Variants in OLA1 observed in about 807,000 individuals in gnomAD.
OLA1 encodes obg-like ATPase 1.
In OLA1, 14 loss-of-function variants were observed where a neutral mutation model predicts 48.4. The ratio of observed to expected loss-of-function variants is 0.29; its 90% CI spans 0.19 to 0.45. The LOEUF (loss-of-function observed/expected upper bound fraction) is 0.45, where lower values mean the gene tolerates loss of function less well. Among genes scored for constraint, OLA1 ranks in the 20% least tolerant of loss-of-function variants. The pLI is 1.00. For synonymous variants in OLA1, 127 were observed against 150.4 expected (o/e 0.84, Z 1.14); for missense variants, 325 against 467.1 (o/e 0.70, Z 2.80).
intron 5 of OLA1, among the ~76,000 whole-genome samples, chr2:174,137,704 C>T (rs1225585939): frequency 2.0e-5 from 3 of 152,246 alleles, no homozygotes; most frequent in Non-Finnish European, 2.9e-5. Context: ...TCTTAAACCA[C>T]ATGAAACAAC....
At chr2:174,089,849 T>C (rs1285721562) in intron 7 of OLA1, among the ~76,000 whole-genome samples, 2 of 142,036 alleles carry the variant, frequency 1.4e-5, no homozygotes, top group Non-Finnish European at 3.0e-5. Context: ...TTGCAGGGAG[T>C]CGAGATCATG....
intron 3 of OLA1, among the ~76,000 whole-genome samples, chr2:174,226,305 G>C (rs948169338): frequency 6.6e-6 from 1 of 151,936 alleles, no homozygotes; most frequent in Non-Finnish European, 1.5e-5. Context: ...ATTAAAACTT[G>C]AGATTTAATT....
chr2:174,169,265 G>C (rs13418968), intron 4 of OLA1, among the ~76,000 whole-genome samples: 7,272 of 152,050 alleles, frequency 0.048, 606 homozygotes, highest in African/African-American at 0.17. Context: ...TATAATTAAA[G>C]TCCTAAAAGG....
intron 4 of OLA1, among the ~76,000 whole-genome samples, chr2:174,144,232 C>T (rs2105382486): frequency 6.6e-6 from 1 of 152,258 alleles, no homozygotes; most frequent in African/African-American, 2.4e-5. Flanking sequence ...CTAATCTATT[C>T]CCCCTACTAT....
chr2:174,189,964 G>A (rs1299460693), intron 4 of OLA1, among the ~76,000 whole-genome samples: 5 of 150,888 alleles, frequency 3.3e-5, no homozygotes, highest in Admixed American at 3.3e-4. Flanking sequence ...GCCATAAAAT[G>A]AAATAAAATA....
At chr2:174,140,030 A>G (rs909160326) in intron 5 of OLA1, among the ~76,000 whole-genome samples, 10 of 152,174 alleles carry the variant, frequency 6.6e-5, no homozygotes, top group African/African-American at 2.4e-4. Flanking sequence ...ATTGACATAA[A>G]AATACAAATG....
intron 4 of OLA1, among the ~76,000 whole-genome samples, chr2:174,153,434 T>A (rs1482830198): frequency 6.6e-6 from 1 of 152,146 alleles, no homozygotes; most frequent in Admixed American, 6.5e-5. Context: ...ACATTAAAAT[T>A]GGAGCTTATA....
At chr2:174,097,606 C>A (rs1457245082) in intron 7 of OLA1, among the ~76,000 whole-genome samples, 1 of 151,210 alleles carries the variant, frequency 6.6e-6, no homozygotes, top group African/African-American at 2.4e-5. Flanking sequence ...AGTCTGAGAC[C>A]AGCCTGTAAT....
chr2:174,206,400 G>A (rs910219649), intron 4 of OLA1, among the ~76,000 whole-genome samples: 2 of 151,864 alleles, frequency 1.3e-5, no homozygotes, highest in African/African-American at 4.8e-5. Flanking sequence ...AAAAAAAACT[G>A]ATCATTAAAG....
chr2:174,226,822 C>T (rs1056142000), intron 3 of OLA1, among the ~76,000 whole-genome samples: 2 of 152,072 alleles, frequency 1.3e-5, no homozygotes, highest in Non-Finnish European at 2.9e-5. Flanking sequence ...TCAATAGAAA[C>T]AGGCTGGTGG....
intron 4 of OLA1, among the ~76,000 whole-genome samples, chr2:174,147,211 G>A (rs1487763157): frequency 3.3e-5 from 5 of 152,090 alleles, no homozygotes; most frequent in Admixed American, 3.3e-4. Flanking sequence ...CGGATCACCT[G>A]AGGTCAGGAG....
chr2:174,223,020 C>A lies in OLA1; in HGVS notation c.373+13G>T. On this transcript the variant is annotated intron_variant, in intron 4 of 10. Coordinates refer to ENST00000284719, the MANE Select transcript of OLA1 (RefSeq NM_013341.5). ...TGAATGAAATCAATGATTAAATAAA[C>A]AACTGTACTTACGTGTTAGATGAAA... is the stretch of plus-strand genomic sequence containing the variant. 1.2e-6 allele frequency: 2 copies of A among 1,600,828 alleles called. No homozygotes were observed. Among genetic ancestry groups the A allele is most frequent in the South Asian group, 1.1e-5 (1 of 89,126 alleles).
At chr2:174,230,677 C>A (rs900559873) in intron 2 of OLA1, among the ~76,000 whole-genome samples, 6 of 152,098 alleles carry the variant, frequency 3.9e-5, no homozygotes, top group African/African-American at 1.2e-4. Context: ...GGGATAAAGT[C>A]AATAAAATCC....
At chr2:174,201,618 T>C (rs1687992085) in intron 4 of OLA1, among the ~76,000 whole-genome samples, 1 of 152,188 alleles carries the variant, frequency 6.6e-6, no homozygotes. Context: ...CCCCTCAAAG[T>C]ACTAGAATTG....
rs1370280939 is a variant in OLA1, at chr2:174,248,068, G to T, written c.-1+384C>A. On this transcript the variant is annotated intron_variant, in intron 1 of 10. Coordinates refer to ENST00000284719, the MANE Select transcript of OLA1 (RefSeq NM_013341.5). ...CAGGAATTTCCCTTCTCAGCGTCCT[G>T]ACACCTGTTCCTGGCCAACTCCCAG... The T allele has an allele frequency of 4.3e-5, 12 of 276,694 alleles. No homozygotes were observed. In the Admixed American group the frequency reaches 5.4e-4, roughly 12 times the overall value. 17.1% of individuals were successfully genotyped at this position (276,694 alleles called of 1,614,324 possible). A position where few individuals can be genotyped will look rare whatever the true frequency, so the allele number is the denominator to read the frequency against.
chr2:174,222,167 T>A (rs1194221315), intron 4 of OLA1, among the ~76,000 whole-genome samples: 1 of 152,192 alleles, frequency 6.6e-6, no homozygotes, highest in Non-Finnish European at 1.5e-5. Context: ...CTAGCCAGCT[T>A]ATGCAAACCA....
At chr2:174,165,991 G>C (rs538569372) in intron 4 of OLA1, among the ~76,000 whole-genome samples, 1 of 152,096 alleles carries the variant, frequency 6.6e-6, no homozygotes, top group African/African-American at 2.4e-5. Context: ...CGGACATGGT[G>C]GCATGTGCCT....
intron 7 of OLA1, among the ~76,000 whole-genome samples, chr2:174,099,167 T>C (rs188700569): frequency 2.0e-5 from 3 of 151,984 alleles, no homozygotes; most frequent in Non-Finnish European, 2.9e-5. Flanking sequence ...TTTATTTTTT[T>C]TTTTTTTGAG....
At chr2:174,217,617 C>T (rs1303139839) in intron 4 of OLA1, among the ~76,000 whole-genome samples, 1 of 152,088 alleles carries the variant, frequency 6.6e-6, no homozygotes, top group Non-Finnish European at 1.5e-5. Flanking sequence ...ACCTGTGAAA[C>T]CATCGCTACA....
Sources: allele counts gnomAD v4.1 joint callset (sites outside exome capture counted in the v4.1 genomes callset), GRCh38; gene constraint gnomAD v4.1.1; transcripts MANE v1.5; gene names NCBI Gene and HGNC (gene_info 2026-07-23, HGNC 2026-07-21).